Variants in CPNE8 observed in about 807,000 individuals in gnomAD.
CPNE8 encodes the protein copine 8.
Under a neutral mutation model 81.5 loss-of-function variants are expected in CPNE8, and 45 were observed. The ratio of observed to expected loss-of-function variants is 0.55; its 90% CI spans 0.44 to 0.71. CPNE8 has a LOEUF of 0.71. Ranked by LOEUF, CPNE8 falls within the 30% of genes least tolerant of loss-of-function variation. CPNE8 has a pLI of 0.00. For missense variants in CPNE8, 594 were observed against 672.1 expected, an observed-to-expected ratio of 0.88 and a Z score of 1.28; for synonymous variants, 252 against 226.3, an observed-to-expected ratio of 1.11 and a Z score of -1.02.
At chr12:38,861,066 T>C (rs7954044) in intron 3 of CPNE8, among the ~76,000 whole-genome samples, 21,245 of 152,086 alleles carry the variant, frequency 0.14, 2,401 homozygotes, top group African/African-American at 0.31. Flanking sequence ...CAAAATAAGG[T>C]AATCCTGCTA....
intron 14 of CPNE8, among the ~76,000 whole-genome samples, chr12:38,697,799 C>T (rs1939833084): frequency 2.0e-5 from 3 of 151,980 alleles, no homozygotes; most frequent in African/African-American, 7.3e-5. Flanking sequence ...GAGCATGGTA[C>T]CTCCTCCTCT....
rs191732592 is a variant in CPNE8 at position 38,673,489 on chromosome 12, T to G, written c.1432+2228A>C. On this transcript the variant is annotated intron_variant, in intron 18 of 19. Coordinates refer to ENST00000331366, the MANE Select transcript of CPNE8 (RefSeq NM_153634.3). Reference sequence around the variant, plus strand: ...TAAACATGAGTTTAATATAGAAATTTTTTTTAAGCCATGAAGAGATGTGTT... The same window carrying G: ...TAAACATGAGTTTAATATAGAAATTGTTTTTAAGCCATGAAGAGATGTGTT... Among the ~76,000 whole-genome samples the G allele has an allele frequency of 2.7e-3, 413 of 152,264 alleles. 3 individuals carry two copies. Among genetic ancestry groups the G allele is most frequent in the African/African-American group, 9.3e-3 (387 of 41,554 alleles).
intron 10 of CPNE8, among the ~76,000 whole-genome samples, chr12:38,750,283 C>T (rs1022880546): frequency 2.6e-5 from 4 of 152,116 alleles, no homozygotes; most frequent in African/African-American, 4.8e-5. Context: ...GCTGCAGGGG[C>T]GGGGCCCTCA....
At chr12:38,715,382 T>G (rs148029050) in intron 13 of CPNE8, among the ~76,000 whole-genome samples, 1,967 of 152,160 alleles carry the variant, frequency 0.013, 28 homozygotes, top group South Asian at 0.042. Context: ...TTTTCACCCT[T>G]TTGATGACGT....
intron 1 of CPNE8, among the ~76,000 whole-genome samples, chr12:38,884,750 C>T (rs1047763518): frequency 1.3e-5 from 2 of 152,046 alleles, no homozygotes; most frequent in Admixed American, 1.3e-4. Context: ...AATCCACATA[C>T]CTGATCACCA....
chr12:38,785,590 C>A (rs1095578), intron 6 of CPNE8, among the ~76,000 whole-genome samples: 15,649 of 152,104 alleles, frequency 0.1, 967 homozygotes, highest in East Asian at 0.31. Flanking sequence ...TATGACTTTG[C>A]TAATCATTCA....
At chr12:38,818,075 C>T (rs758122790) in intron 6 of CPNE8, among the ~76,000 whole-genome samples, 2 of 152,002 alleles carry the variant, frequency 1.3e-5, no homozygotes, top group African/African-American at 2.4e-5. Context: ...TTGTCTAGCT[C>T]GTAATAGTGC....
chr12:38,786,457 A>T (rs776639309), intron 6 of CPNE8, among the ~76,000 whole-genome samples: 64 of 152,134 alleles, frequency 4.2e-4, no homozygotes, highest in African/African-American at 1.4e-3. Flanking sequence ...CCCAGCCTAC[A>T]TCTTTCTCTC....
At chr12:38,779,729 TATAATATTAAAAA>T (rs1942006160) in intron 6 of CPNE8, among the ~76,000 whole-genome samples, 1 of 152,124 alleles carries the variant, frequency 6.6e-6, no homozygotes, top group African/African-American at 2.4e-5. Context: ...AAGCTCGTTT[TATAATATTAAAAA>T]ATAAACAAGG....
chr12:38,776,732 T>C (rs1386989965), intron 6 of CPNE8, among the ~76,000 whole-genome samples: 2 of 152,092 alleles, frequency 1.3e-5, no homozygotes, highest in African/African-American at 4.8e-5. Flanking sequence ...TTATGCATCA[T>C]CTAATTATGT....
At chr12:38,734,359 T>C (rs1940906272) in intron 10 of CPNE8, among the ~76,000 whole-genome samples, 1 of 152,024 alleles carries the variant, frequency 6.6e-6, no homozygotes, top group Non-Finnish European at 1.5e-5. Flanking sequence ...ATTAACCTTC[T>C]CTATCTCCTT....
At chr12:38,734,105 A>G (rs1412276246) in intron 10 of CPNE8, among the ~76,000 whole-genome samples, 2 of 151,950 alleles carry the variant, frequency 1.3e-5, no homozygotes, top group African/African-American at 4.8e-5. Flanking sequence ...AAACCCATCA[A>G]TTCATGTATT....
At chr12:38,819,177 C>T (rs1249563426) in intron 6 of CPNE8, among the ~76,000 whole-genome samples, 3 of 152,070 alleles carry the variant, frequency 2.0e-5, no homozygotes, top group Non-Finnish European at 4.4e-5. Context: ...GTTGCAATTG[C>T]TTTTGGTGTT....
At chr12:38,677,600 T>C (rs1358855349) in intron 16 of CPNE8, 46 bp from the exon 17 acceptor site, 4 of 1,039,874 alleles carry the variant, frequency 3.8e-6, no homozygotes, top group Admixed American at 3.6e-5. Context: ...GTTTTCTATA[T>C]GTGATGGTTG....
chr12:38,768,812 T>G (rs879210704), intron 7 of CPNE8, among the ~76,000 whole-genome samples: 2 of 152,070 alleles, frequency 1.3e-5, no homozygotes, highest in Admixed American at 1.3e-4. Flanking sequence ...CAGGCTTGTG[T>G]GTTTTTTAAC....
At chr12:38,808,365 C>A (rs377251001) in intron 6 of CPNE8, among the ~76,000 whole-genome samples, 3 of 151,920 alleles carry the variant, frequency 2.0e-5, no homozygotes, top group African/African-American at 4.8e-5. Context: ...AAATGTCCAA[C>A]AACGATAGAC....
intron 7 of CPNE8, 80 bp downstream of exon 7, chr12:38,776,158 A>T: frequency 1.5e-6 from 1 of 657,754 alleles, no homozygotes; most frequent in Non-Finnish European, 2.4e-6. Flanking sequence ...ATTACTTAAA[A>T]ATTAATTAGT....
In CPNE8 at chr12:38,764,886, G is replaced by A. The variant is rs113353598; in HGVS notation, c.576-2670C>T. On this transcript the variant is annotated intron_variant, in intron 8 of 19. Coordinates refer to ENST00000331366, the MANE Select transcript of CPNE8 (RefSeq NM_153634.3). ...GAAGAGAGAGAGAGAGAGAGAAAAA[G>A]AGAGACAGAGAGAGAGACTAGACTG... Among the ~76,000 whole-genome samples, 1,090 of 152,198 alleles carry A rather than the reference G, an allele frequency of 7.2e-3. 10 individuals are homozygous for A. Among genetic ancestry groups the A allele is most frequent in the African/African-American group, 0.026 (1,061 of 41,538 alleles).
chr12:38,664,334 C>T (rs1939019356), intron 19 of CPNE8, among the ~76,000 whole-genome samples: 1 of 151,890 alleles, frequency 6.6e-6, no homozygotes, highest in Non-Finnish European at 1.5e-5. Flanking sequence ...AGTGCTTAAA[C>T]AGTAACAGTT....
Sources: gnomAD v4.1 joint callset for allele counts (sites outside exome capture counted in the v4.1 genomes callset) on GRCh38, gnomAD v4.1.1 for gene constraint, MANE v1.5 for transcripts, NCBI Gene and HGNC (gene_info 2026-07-23, HGNC 2026-07-21) for gene names.